Variants in CACNA2D1 observed in about 807,000 individuals in gnomAD.
CACNA2D1 encodes the protein voltage-dependent calcium channel subunit alpha-2/delta-1.
In CACNA2D1, 53 loss-of-function variants were observed where a neutral mutation model predicts 171.5. The observed-to-expected ratio is 0.31, with a 90% CI of 0.25 to 0.39. The LOEUF is 0.39. CACNA2D1 is among the 10% of genes least tolerant of loss of function. The pLI, the probability that CACNA2D1 is intolerant of heterozygous loss-of-function variation, is 1.00. For synonymous variants in CACNA2D1, 442 were observed against 443.1 expected (o/e 1.00, Z 0.03); for missense variants, 903 against 1,299.8 (o/e 0.69, Z 4.69).
intron 1 of CACNA2D1, among the ~76,000 whole-genome samples, chr7:82,384,903 G>A (rs915121965): frequency 1.3e-5 from 2 of 152,066 alleles, no homozygotes; most frequent in African/African-American, 4.8e-5. Flanking sequence ...AAAACTTTGG[G>A]GCATGATGTA....
rs1368663306 is a variant in CACNA2D1 at position 82,099,595 on chromosome 7, G to A, written c.527-14695C>T. ...CTCCCAAGTAGCTGGGACTACAGGC[G>A]CCCGCCACTACGCCCGGCTAATTTT... On this transcript the variant is annotated intron_variant, in intron 6 of 38. Coordinates refer to ENST00000356860, the MANE Select transcript of CACNA2D1 (RefSeq NM_000722.4). Among the ~76,000 whole-genome samples the A allele has an allele frequency of 4.6e-5, 5 of 107,774 alleles. 1 individual carries two copies. Among genetic ancestry groups the A allele is most frequent in the Non-Finnish European group, 8.2e-5 (4 of 48,872 alleles). The allele number at this position is 107,774 out of a possible 152,430, so 70.7% of individuals were successfully genotyped here.
At position 82,226,415 on chromosome 7, in the gene CACNA2D1, C is replaced by T. The variant is rs915369703; in HGVS notation, c.295-55806G>A. ...AGGTAAGCAATTATGACATAGACTTCCTTCCTGGGATGAACACTTTTCCTA... is the reference window on the plus strand; with the variant it reads ...AGGTAAGCAATTATGACATAGACTTTCTTCCTGGGATGAACACTTTTCCTA... On this transcript the variant is annotated intron_variant, in intron 3 of 38. Coordinates refer to ENST00000356860, the MANE Select transcript of CACNA2D1 (RefSeq NM_000722.4). Among the ~76,000 whole-genome samples the T allele has an allele frequency of 4.6e-5, 7 of 152,176 alleles. No individual in the cohort carries two copies. The South Asian group carries it at 6.2e-4, about 13-fold the overall frequency.
At chr7:82,142,142 T>A (rs1584899659) in intron 4 of CACNA2D1, among the ~76,000 whole-genome samples, 1 of 152,310 alleles carries the variant, frequency 6.6e-6, no homozygotes, top group Admixed American at 6.5e-5. Context: ...ATTAAACCTT[T>A]GGAGAGCTAT....
chr7:82,028,136 C>A (rs973106232), intron 12 of CACNA2D1: 13 of 151,770 alleles, frequency 8.6e-5, no homozygotes, highest in Admixed American at 7.3e-4. Flanking sequence ...TGACTTTCTT[C>A]TTAGTAGCTA....
chr7:82,138,424 TAG>T (rs1345174203), intron 4 of CACNA2D1, among the ~76,000 whole-genome samples: 1 of 120,416 alleles, frequency 8.3e-6, no homozygotes, highest in Non-Finnish European at 1.7e-5. Context: ...CTTATAGCAT[TAG>T]TTTTGTTTTT....
chr7:82,066,628 C>A (rs1807661282), intron 7 of CACNA2D1, 104 bp from the exon 8 acceptor site: 2 of 1,442,216 alleles, frequency 1.4e-6, no homozygotes, highest in Non-Finnish European at 9.2e-7. Flanking sequence ...CATAATTTCA[C>A]TTACGTACTT....
chr7:82,328,517 T>C (rs762711421), intron 3 of CACNA2D1, among the ~76,000 whole-genome samples: 1 of 152,188 alleles, frequency 6.6e-6, no homozygotes, highest in Non-Finnish European at 1.5e-5. Flanking sequence ...TTATATCTAA[T>C]AATATTCCTT....
chr7:81,980,974 G>C (rs1796382256), intron 24 of CACNA2D1, among the ~76,000 whole-genome samples: 1 of 152,170 alleles, frequency 6.6e-6, no homozygotes, highest in Non-Finnish European at 1.5e-5. Context: ...AGATACTCTT[G>C]TCTGGTTTCC....
intron 1 of CACNA2D1, among the ~76,000 whole-genome samples, chr7:82,429,696 C>T (rs1829510196): frequency 6.6e-6 from 1 of 152,072 alleles, no homozygotes; most frequent in Admixed American, 6.6e-5. Flanking sequence ...GTTACCATTC[C>T]CCTATGTTTA....
chr7:82,096,354 A>G (rs1811859882), intron 6 of CACNA2D1, among the ~76,000 whole-genome samples: 1 of 152,148 alleles, frequency 6.6e-6, no homozygotes, highest in Non-Finnish European at 1.5e-5. Context: ...GCCTATCAAG[A>G]CAGACAGGAC....
intron 12 of CACNA2D1, among the ~76,000 whole-genome samples, chr7:82,019,037 C>T (rs1022625055): frequency 6.6e-6 from 1 of 150,994 alleles, no homozygotes; most frequent in Non-Finnish European, 1.5e-5. Flanking sequence ...AAATTAAATT[C>T]GTGGACAGGT....
At chr7:82,296,800 G>A (rs2129421182) in intron 3 of CACNA2D1, among the ~76,000 whole-genome samples, 1 of 152,158 alleles carries the variant, frequency 6.6e-6, no homozygotes, top group South Asian at 2.1e-4. Context: ...TAGGAGCCTA[G>A]CAAATAGTTG....
chr7:82,027,406 AT>A (rs2131093356), intron 12 of CACNA2D1, among the ~76,000 whole-genome samples: 1 of 151,852 alleles, frequency 6.6e-6, no homozygotes, highest in South Asian at 2.1e-4. Flanking sequence ...GTTTCCAGAA[AT>A]TAATACCTAC....
intron 6 of CACNA2D1, among the ~76,000 whole-genome samples, chr7:82,094,153 G>A (rs1811574807): frequency 6.6e-6 from 1 of 151,988 alleles, no homozygotes; most frequent in Non-Finnish European, 1.5e-5. Flanking sequence ...GGAAAGATCA[G>A]ATCCATTGAA....
intron 3 of CACNA2D1, among the ~76,000 whole-genome samples, chr7:82,251,545 C>A (rs1444126161): frequency 1.3e-5 from 2 of 152,110 alleles, no homozygotes; most frequent in Non-Finnish European, 2.9e-5. Context: ...GCTGTGACAA[C>A]TAGATCCTTG....
At position 81,949,946 on chromosome 7, in the gene CACNA2D1, TA is replaced by T. The variant is rs1435764779; in HGVS notation, c.*445del. 6.1e-6 allele frequency: 1 copy of T among 163,148 alleles called. No individual in the cohort carries two copies. Among genetic ancestry groups the T allele is most frequent in the East Asian group, 1.7e-4 (1 of 5,742 alleles). The allele number at this position is 163,148 out of a possible 1,614,324, so 10.1% of individuals were successfully genotyped here. A position where few individuals can be genotyped will look rare whatever the true frequency, so the allele number is the denominator to read the frequency against. On this transcript the variant is annotated 3_prime_UTR_variant, in exon 39 of 39. Transcript: ENST00000356860. ...AATAATTGCTACTTAAAGCAGGAATTAACTTTTCACAGAAGAAAAAGTGAAG... is the reference window on the plus strand; with the variant it reads ...AATAATTGCTACTTAAAGCAGGAATTACTTTTCACAGAAGAAAAAGTGAAG...
chr7:82,244,771 G>T (rs2129301762), intron 3 of CACNA2D1, among the ~76,000 whole-genome samples: 1 of 152,164 alleles, frequency 6.6e-6, no homozygotes, highest in South Asian at 2.1e-4. Flanking sequence ...TTGATACAGT[G>T]TCCTCTAAAA....
chr7:82,196,480 T>G (rs1338786864), intron 3 of CACNA2D1, among the ~76,000 whole-genome samples: 2 of 152,056 alleles, frequency 1.3e-5, no homozygotes, highest in African/African-American at 4.8e-5. Flanking sequence ...ATCACAGATC[T>G]AACTAGTGCC....
chr7:81,950,627 T>C (rs376160824), intron 38 of CACNA2D1, 119 bp from the exon 39 acceptor site: 1 of 1,355,500 alleles, frequency 7.4e-7, no homozygotes, highest in African/African-American at 1.5e-5. Flanking sequence ...ACTTACCTTA[T>C]AAAACTGCTG....
Sources: gnomAD v4.1 joint callset for allele counts (sites outside exome capture counted in the v4.1 genomes callset) on GRCh38, gnomAD v4.1.1 for gene constraint, MANE v1.5 for transcripts, NCBI Gene and HGNC (gene_info 2026-07-23, HGNC 2026-07-21) for gene names.